Variants in ITGA4 observed in about 807,000 individuals in gnomAD.
The protein encoded by ITGA4 is integrin subunit alpha 4.
In ITGA4, 63 loss-of-function variants were observed where a neutral mutation model predicts 133.6. The observed-to-expected ratio is 0.47, with a 90% CI of 0.38 to 0.58. The LOEUF (loss-of-function observed/expected upper bound fraction) is 0.58. Among genes scored for constraint, ITGA4 ranks in the 20% least tolerant of loss-of-function variants. The pLI is 0.00. For missense variants in ITGA4, 1,076 were observed against 1,252.7 expected (o/e 0.86, Z 2.13); for synonymous variants, 483 against 438.0 (o/e 1.10, Z -1.28).
intron 17 of ITGA4, among the ~76,000 whole-genome samples, chr2:181,513,163 C>A (rs80258665): frequency 0.018 from 2,792 of 152,120 alleles, 70 homozygotes; most frequent in African/African-American, 0.063. Flanking sequence ...AAATGGTCCT[C>A]CCTCAGCCCT....
intron 6 of ITGA4, among the ~76,000 whole-genome samples, chr2:181,481,032 C>G (rs1685789505): frequency 1.3e-5 from 2 of 151,598 alleles, no homozygotes; most frequent in Admixed American, 6.6e-5. Context: ...ATAAAATAAG[C>G]ACTCTTTCTT....
At chr2:181,530,270 C>T (rs988573400) in intron 23 of ITGA4, among the ~76,000 whole-genome samples, 7 of 152,178 alleles carry the variant, frequency 4.6e-5, no homozygotes, top group Non-Finnish European at 4.4e-5. Flanking sequence ...TATCATTTTT[C>T]ACATTTCTGC....
chr2:181,471,175 C>A (rs1214603611), intron 2 of ITGA4, among the ~76,000 whole-genome samples: 1 of 152,100 alleles, frequency 6.6e-6, no homozygotes, highest in East Asian at 1.9e-4. Flanking sequence ...TGCATTCATT[C>A]TTTTTACACA....
Position 181,481,620 on chromosome 2 carries a change from T to C in ITGA4, c.777T>C (p.His259=), listed in dbSNP as rs1284289785. ...SYLGYSVGAG[H]FRSQHTTEVV... is the part of the protein sequence containing the mutation. Reference sequence around the variant, plus strand: ...AAGGATATTCAGTCGGAGCTGGTCATTTTCGGAGCCAGCATACTACCGAAG... The same window carrying C: ...AAGGATATTCAGTCGGAGCTGGTCACTTTCGGAGCCAGCATACTACCGAAG... The change falls in exon 7 of 28, where the codon CAT becomes CAC. Residue 259 remains histidine, a synonymous_variant. Coordinates refer to ENST00000397033, the MANE Select transcript of ITGA4 (RefSeq NM_000885.6). 6.3e-7 allele frequency: 1 copy of C among 1,598,422 alleles called. No homozygotes were observed. The highest frequency in any genetic ancestry group is 1.3e-5 in the African/African-American group (1 of 74,638).
chr2:181,479,077 A>C (rs1304886280), intron 5 of ITGA4: 1 of 274,954 alleles, frequency 3.6e-6, no homozygotes, highest in Non-Finnish European at 6.8e-6. Context: ...TTTCATCAAC[A>C]ATTTAATGAA....
In ITGA4 at chr2:181,457,778, C is replaced by T. The variant is rs374066058; in HGVS notation, c.124C>T (p.Leu42=). Residue 42 remains leucine (L), a synonymous_variant, in exon 1 of 28, where the codon CTG becomes TTG. Transcript: ENST00000397033. ...CTACAACGTGGACACTGAGAGCGCG[C>T]TGCTTTACCAGGGCCCCCACAACAC... The part of the protein sequence containing the change: ...RPYNVDTESA[L]LYQGPHNTLF... 16 of 1,613,636 alleles carry T rather than the reference C, an allele frequency of 9.9e-6. No individual in the cohort carries two copies. In the South Asian group the frequency reaches 1.8e-4, roughly 18 times the overall value.
intron 27 of ITGA4, among the ~76,000 whole-genome samples, chr2:181,535,229 G>A (rs1270040956): frequency 1.3e-5 from 2 of 152,038 alleles, no homozygotes; most frequent in African/African-American, 2.4e-5. Flanking sequence ...GAGAATTTCT[G>A]CATTAAAAAC....
chr2:181,525,563 G>A (rs1308371921), intron 21 of ITGA4, among the ~76,000 whole-genome samples: 3 of 152,322 alleles, frequency 2.0e-5, no homozygotes, highest in Admixed American at 2.0e-4. Flanking sequence ...GCCACACTGA[G>A]CCTTTCAGCT....
intron 5 of ITGA4, 47 bp from the exon 6 acceptor site, chr2:181,480,090 G>A (rs903342451): frequency 1.4e-6 from 2 of 1,415,350 alleles, no homozygotes; most frequent in African/African-American, 3.0e-5. Flanking sequence ...GAGGTTTGGG[G>A]TGGTGAGATT....
chr2:181,493,388 G>A lies in ITGA4; in HGVS notation c.1217G>A (p.Arg406His), dbSNP rs199723658. The change falls in exon 11 of 28, where the codon CGT (arginine) becomes CAT (histidine). Residue 406 changes from arginine to histidine, a missense_variant. This residue lies in a region of ITGA4 where 436 missense variants were observed against 590.7 expected (regional missense o/e 0.74). Coordinates refer to ENST00000397033, the MANE Select transcript of ITGA4 (RefSeq NM_000885.6). ...GGTGCTATTTATATTTACAATGGCC[G>A]TGCAGATGGGATCTCGTCAACCTTC... ...LQGAIYIYNG[R>H]ADGISSTFSQ... is the part of the protein sequence containing the mutation. The A allele has an allele frequency of 2.7e-5, 43 of 1,611,668 alleles. No homozygotes were observed. The highest frequency in any genetic ancestry group is 2.2e-4 in the Admixed American group (13 of 59,914).
intron 21 of ITGA4, among the ~76,000 whole-genome samples, chr2:181,526,821 CTTTTTTTTTTTTTTTTTTTTTTT>C (rs538208494): frequency 7.3e-5 from 3 of 40,994 alleles, no homozygotes; most frequent in African/African-American, 1.2e-4. Context: ...AGCACATGGC[CTTTTTTTTTTTTTTTTTTTTTTT>C]TTTTTTTTTA....
In ITGA4 at chr2:181,537,719, TGTGTCCAATAAACA is replaced by T. The variant is rs1453886363; in HGVS notation, c.*2193_*2206del. Reference sequence around the variant, plus strand: ...TTATGATGGTTGCAAAGTTTTTTTGTGTGTCCAATAAACACATTGTAAAAAAAAGAATTTGAATT... The same window carrying T: ...TTATGATGGTTGCAAAGTTTTTTTGTCATTGTAAAAAAAAGAATTTGAATT... On this transcript the variant is annotated 3_prime_UTR_variant, in exon 28 of 28. Transcript: ENST00000397033. The T allele has an allele frequency of 4.7e-6, 2 of 428,918 alleles. No individual in the cohort carries two copies. Among genetic ancestry groups the T allele is most frequent in the Non-Finnish European group, 9.3e-6 (2 of 215,546 alleles). The allele number at this position is 428,918 out of a possible 1,614,324, so 26.6% of individuals were successfully genotyped here. A position where few individuals can be genotyped will look rare whatever the true frequency, so the allele number is the denominator to read the frequency against.
rs1687315363 is a variant in ITGA4, at chr2:181,538,476, T to G, written c.*2949T>G. 6.6e-6 allele frequency among the ~76,000 whole-genome samples: 1 copy of G among 152,214 alleles called. No homozygotes were observed. The highest frequency in any genetic ancestry group is 3.4e-3 in the Middle Eastern group (1 of 294). On this transcript the variant is annotated 3_prime_UTR_variant, in exon 28 of 28. Transcript: ENST00000397033. The stretch of plus-strand genomic sequence containing the variant: ...TGATTGTCCAATGCTCTCCATTACC[T>G]CTGTAAAACAGTCAGTTATGCCTCT...
At chr2:181,459,833 T>C (rs1008395365) in intron 2 of ITGA4, among the ~76,000 whole-genome samples, 24 of 152,330 alleles carry the variant, frequency 1.6e-4, no homozygotes, top group African/African-American at 5.3e-4. Flanking sequence ...TCCTGATCCA[T>C]GACATTATAA....
At chr2:181,518,089 C>T (rs1192375680) in intron 17 of ITGA4, among the ~76,000 whole-genome samples, 1 of 152,000 alleles carries the variant, frequency 6.6e-6, no homozygotes, top group Non-Finnish European at 1.5e-5. Flanking sequence ...CATGTTCCCA[C>T]ACACTTCCTC....
intron 21 of ITGA4, among the ~76,000 whole-genome samples, chr2:181,526,821 C>CTTTTTT (rs538208494): frequency 0.11 from 4,414 of 40,892 alleles, 1,536 homozygotes; most frequent in Non-Finnish European, 0.18. Context: ...AGCACATGGC[C>CTTTTTT]TTTTTTTTTT....
intron 2 of ITGA4, among the ~76,000 whole-genome samples, chr2:181,466,736 G>A (rs376321336): frequency 1.9e-4 from 29 of 152,098 alleles, no homozygotes; most frequent in African/African-American, 6.0e-4. Context: ...GATTTAGTAA[G>A]TATTAGGACT....
rs1687127461 is a variant in ITGA4 at position 181,536,749 on chromosome 2, A to G, written c.*1222A>G. The G allele has an allele frequency of 4.0e-6, 1 of 247,548 alleles. No homozygotes were observed. The highest frequency in any genetic ancestry group is 8.1e-6 in the Non-Finnish European group (1 of 123,100). 15.3% of individuals were successfully genotyped at this position (247,548 alleles called of 1,614,324 possible). On this transcript the variant is annotated 3_prime_UTR_variant, in exon 28 of 28. Transcript: ENST00000397033. ...TATTTTAAATGACTTTCTGGATTTT[A>G]AAAAATTTCTTTAAATACAATCATT... is the stretch of plus-strand genomic sequence containing the variant.
At chr2:181,496,919 A>T (rs1686169296) in intron 14 of ITGA4, among the ~76,000 whole-genome samples, 1 of 152,204 alleles carries the variant, frequency 6.6e-6, no homozygotes, top group East Asian at 1.9e-4. Context: ...ATGGATATGT[A>T]ATAGAGGTCT....
Sources: allele counts gnomAD v4.1 joint callset (sites outside exome capture counted in the v4.1 genomes callset), GRCh38; gene constraint gnomAD v4.1.1; regional missense constraint gnomAD v4.1.1; transcripts MANE v1.5; gene names NCBI Gene and HGNC (gene_info 2026-07-23, HGNC 2026-07-21).